SLC35F5: variants seen among roughly 807,000 people sequenced by gnomAD.
The protein encoded by SLC35F5 is solute carrier family 35 member F5, also known as HCV NS5A-transactivated protein 3.
A neutral mutation model predicts 68.6 loss-of-function variants in SLC35F5; 54 were observed. The observed-to-expected ratio is 0.79, with a 90% CI of 0.63 to 0.99. The LOEUF (loss-of-function observed/expected upper bound fraction) is 0.99, where lower values mean the gene tolerates loss of function less well. Among genes scored for constraint, SLC35F5 ranks in the 50% least tolerant of loss-of-function variants. SLC35F5 has a pLI of 0.00. For synonymous variants in SLC35F5, 211 were observed against 205.2 expected, an observed-to-expected ratio of 1.03 and a Z score of -0.24; for missense variants, 567 against 626.9, an observed-to-expected ratio of 0.90 and a Z score of 1.02.
chr2:113,756,338 G>A (rs1676988989), intron 1 of SLC35F5, 32 bp downstream of exon 1: 3 of 1,561,088 alleles, frequency 1.9e-6, no homozygotes, highest in Non-Finnish European at 2.6e-6. Flanking sequence ...TTTGGGCTCC[G>A]GTGATGTCGG....
rs1686837338 is a variant in SLC35F5, at chr2:113,707,706, T to C, written c.*7512A>G. Among the ~76,000 whole-genome samples, 1 of 152,086 alleles carries C rather than the reference T, an allele frequency of 6.6e-6. No individual in the cohort carries two copies. The highest frequency in any genetic ancestry group is 1.5e-5 in the Non-Finnish European group (1 of 68,000). ...TCACAAGTAGCTGGGACTACAGGCG[T>C]GCACCACCATGCCTGGCTAATTTTT... On this transcript the variant is annotated 3_prime_UTR_variant, in exon 16 of 16. Coordinates refer to ENST00000245680, the MANE Select transcript of SLC35F5 (RefSeq NM_025181.5).
chr2:113,724,045 C>T (rs1687563035), intron 12 of SLC35F5, among the ~76,000 whole-genome samples: 1 of 152,140 alleles, frequency 6.6e-6, no homozygotes, highest in African/African-American at 2.4e-5. Flanking sequence ...ATTAATAGTG[C>T]TGTCCTGCAA....
intron 15 of SLC35F5, among the ~76,000 whole-genome samples, chr2:113,716,671 G>C (rs1044481828): frequency 6.6e-6 from 1 of 152,126 alleles, no homozygotes; most frequent in African/African-American, 2.4e-5. Flanking sequence ...AGACAAGAAG[G>C]AAAATACCAA....
chr2:113,743,010 A>AGGTATAT (rs1676346539), intron 6 of SLC35F5, 131 bp from the exon 7 acceptor site: 1 of 820,884 alleles, frequency 1.2e-6, no homozygotes, highest in Admixed American at 2.9e-5. Context: ...AACCAAAAAG[A>AGGTATAT]GGTATATCAT....
rs992874792 is a variant in SLC35F5, at chr2:113,707,995, T to C, written c.*7223A>G. On this transcript the variant is annotated 3_prime_UTR_variant, in exon 16 of 16. Transcript: ENST00000245680. ...AAGGGAATTCGCATTTTCAATGTCCTGTCTGCATTCCTCCTAGCCTCTCTC... is the reference window on the plus strand; with the variant it reads ...AAGGGAATTCGCATTTTCAATGTCCCGTCTGCATTCCTCCTAGCCTCTCTC... Among the ~76,000 whole-genome samples, 2 of 150,288 alleles carry C rather than the reference T, an allele frequency of 1.3e-5. No individual in the cohort carries two copies. Among genetic ancestry groups the C allele is most frequent in the Non-Finnish European group, 3.0e-5 (2 of 66,700 alleles).
At chr2:113,730,264 C>A (rs17048473) in intron 10 of SLC35F5, among the ~76,000 whole-genome samples, 75,233 of 152,056 alleles carry the variant, frequency 0.49, 19,253 homozygotes, top group Middle Eastern at 0.66. Context: ...ACTCTCAAAA[C>A]CATTTAAACT....
intron 13 of SLC35F5, among the ~76,000 whole-genome samples, chr2:113,720,985 A>AT (rs927733212): frequency 7.1e-4 from 108 of 151,862 alleles, no homozygotes; most frequent in African/African-American, 2.5e-3. Flanking sequence ...TGTAAACAAA[A>AT]TTTTTTTTTC....
Position 113,710,800 on chromosome 2 carries a change from A to G in SLC35F5, c.*4418T>C, listed in dbSNP as rs1032547063. Among the ~76,000 whole-genome samples, 5 of 152,066 alleles carry G rather than the reference A, an allele frequency of 3.3e-5. No individual in the cohort carries two copies. The highest frequency in any genetic ancestry group is 1.2e-4 in the African/African-American group (5 of 41,414). On this transcript the variant is annotated 3_prime_UTR_variant, in exon 16 of 16. Transcript: ENST00000245680. ...AAAAAAAAGAATTTCATCTCATGTC[A>G]AAAATAAGACTCTTGGACAGAAATC...
rs1686965037 is a variant in SLC35F5 at position 113,710,932 on chromosome 2, T to A, written c.*4286A>T. Among the ~76,000 whole-genome samples the A allele has an allele frequency of 1.3e-5, 2 of 152,140 alleles. No individual in the cohort carries two copies. The highest frequency in any genetic ancestry group is 4.1e-4 in the South Asian group (2 of 4,828). On this transcript the variant is annotated 3_prime_UTR_variant, in exon 16 of 16. Coordinates refer to ENST00000245680, the MANE Select transcript of SLC35F5 (RefSeq NM_025181.5). ...CACAACTAGGCATAGGAAAATCAAG[T>A]AGAGAAATACTGAATGCCTAGCATA... is the stretch of plus-strand genomic sequence containing the variant.
At chr2:113,740,885 A>G (rs993914928) in intron 7 of SLC35F5, among the ~76,000 whole-genome samples, 1 of 152,160 alleles carries the variant, frequency 6.6e-6, no homozygotes, top group African/African-American at 2.4e-5. Context: ...TCAGCCTCCC[A>G]AAGTGCTGGG....
chr2:113,702,715 T>A (rs1344710411), downstream of SLC35F5, among the ~76,000 whole-genome samples: 1 of 152,194 alleles, frequency 6.6e-6, no homozygotes. Context: ...TTTACTTTTT[T>A]ACAGGAAGAT....
Position 113,756,543 on chromosome 2 carries a change from G to A in SLC35F5, c.-134C>T, listed in dbSNP as rs1677002455. On this transcript the variant is annotated 5_prime_UTR_variant, in exon 1 of 16. Transcript: ENST00000245680. ...AAGACGCGGTGCCCCTCAGGGAGAG[G>A]CTCCCGACACCACCCAACTCCACTC... The A allele has an allele frequency of 6.1e-6, 9 of 1,476,698 alleles. No homozygotes were observed. The highest frequency in any genetic ancestry group is 1.3e-5 in the South Asian group (1 of 74,718). The allele number at this position is 1,476,698 out of a possible 1,614,324, so 91.5% of individuals were successfully genotyped here. A position where few individuals can be genotyped will look rare whatever the true frequency, so the allele number is the denominator to read the frequency against.
At chr2:113,720,429 T>C (rs973312196) in intron 13 of SLC35F5, among the ~76,000 whole-genome samples, 1 of 152,040 alleles carries the variant, frequency 6.6e-6, no homozygotes, top group African/African-American at 2.4e-5. Context: ...TAAACGAGTT[T>C]TGTGAGCATA....
intron 4 of SLC35F5, among the ~76,000 whole-genome samples, chr2:113,748,176 T>G (rs916061998): frequency 3.3e-5 from 5 of 152,206 alleles, no homozygotes; most frequent in African/African-American, 1.2e-4. Context: ...CATTTTTATT[T>G]TATTTTTTTG....
chr2:113,755,778 A>G (rs963439896), intron 1 of SLC35F5: 2 of 1,402,442 alleles, frequency 1.4e-6, no homozygotes, highest in Non-Finnish European at 2.0e-6. Context: ...GTAATATACA[A>G]CATACGGCAC....
At chr2:113,741,295 G>T (rs146282007) in intron 7 of SLC35F5, among the ~76,000 whole-genome samples, 1 of 152,270 alleles carries the variant, frequency 6.6e-6, no homozygotes, top group East Asian at 1.9e-4. Context: ...GGAAAGAGGA[G>T]CTATTGTTTA....
In SLC35F5 at chr2:113,756,621, G is replaced by A. The variant is rs1480994481; in HGVS notation, c.-212C>T. ...GGGAAGGGACGGCACAGTCAGCTATGGCCGCGGAGGCCCGGAGATCTGCTC... is the reference window on the plus strand; with the variant it reads ...GGGAAGGGACGGCACAGTCAGCTATAGCCGCGGAGGCCCGGAGATCTGCTC... On this transcript the variant is annotated 5_prime_UTR_variant, in exon 1 of 16. Coordinates refer to ENST00000245680, the MANE Select transcript of SLC35F5 (RefSeq NM_025181.5). The A allele has an allele frequency of 5.4e-6, 7 of 1,305,076 alleles. No individual in the cohort carries two copies. The East Asian group carries it at 1.1e-4, about 21-fold the overall frequency. 80.8% of individuals were successfully genotyped at this position (1,305,076 alleles called of 1,614,324 possible).
In SLC35F5 at chr2:113,711,270, G is replaced by A. The variant is rs1195020192; in HGVS notation, c.*3948C>T. 1.3e-5 allele frequency among the ~76,000 whole-genome samples: 2 copies of A among 151,858 alleles called. No individual in the cohort carries two copies. The highest frequency in any genetic ancestry group is 1.5e-5 in the Non-Finnish European group (1 of 67,976). On this transcript the variant is annotated 3_prime_UTR_variant, in exon 16 of 16. Transcript: ENST00000245680. Reference sequence around the variant, plus strand: ...TAGAGGGTACTCATTACTTTTGGTTGGTAATTTTTCCTTAAATATATTTCA... The same window carrying A: ...TAGAGGGTACTCATTACTTTTGGTTAGTAATTTTTCCTTAAATATATTTCA...
chr2:113,754,327 T>C (rs922763320), intron 3 of SLC35F5, among the ~76,000 whole-genome samples: 2 of 151,104 alleles, frequency 1.3e-5, no homozygotes, highest in African/African-American at 2.4e-5. Context: ...AAAACTTATA[T>C]ACTCATAGGA....
Sources: allele counts gnomAD v4.1 joint callset (sites outside exome capture counted in the v4.1 genomes callset), GRCh38; gene constraint gnomAD v4.1.1; transcripts MANE v1.5; gene names NCBI Gene and HGNC (gene_info 2026-07-23, HGNC 2026-07-21).